Variants in CPNE4 observed in about 807,000 individuals in gnomAD.
The protein encoded by CPNE4 is copine-4.
CPNE4 carries 25 observed loss-of-function variants against 67.9 expected under a neutral mutation model. That is an observed-to-expected ratio of 0.37 (90% CI 0.27 to 0.51). CPNE4 has a LOEUF of 0.51. CPNE4 is among the 20% of genes least tolerant of loss of function. The pLI is 0.93. For synonymous variants in CPNE4, 242 were observed against 244.9 expected, an observed-to-expected ratio of 0.99 and a Z score of 0.11; for missense variants, 464 against 690.8, an observed-to-expected ratio of 0.67 and a Z score of 3.68.
At chr3:131,738,897 C>G (rs990334084) in intron 2 of CPNE4, among the ~76,000 whole-genome samples, 1 of 150,638 alleles carries the variant, frequency 6.6e-6, no homozygotes, top group Non-Finnish European at 1.5e-5. Flanking sequence ...TCTCGTCGCC[C>G]AGGCTAGAGT....
intron 2 of CPNE4, among the ~76,000 whole-genome samples, chr3:131,854,747 C>A (rs1483794082): frequency 6.6e-6 from 1 of 151,448 alleles, no homozygotes; most frequent in Non-Finnish European, 1.5e-5. Context: ...CATCTTTATT[C>A]TTTTCCTCCG....
intron 7 of CPNE4, among the ~76,000 whole-genome samples, chr3:131,642,526 A>T (rs2079565657): frequency 1.3e-5 from 2 of 152,216 alleles, no homozygotes; most frequent in Non-Finnish European, 2.9e-5. Context: ...AATTTTATGC[A>T]TTAATGGCTG....
At chr3:131,739,678 A>C (rs569322283) in intron 2 of CPNE4, among the ~76,000 whole-genome samples, 1 of 152,366 alleles carries the variant, frequency 6.6e-6, no homozygotes, top group Non-Finnish European at 1.5e-5. Context: ...AGTAAAGGAA[A>C]GAAGATGACA....
At chr3:131,655,018 T>C (rs761144536) in intron 7 of CPNE4, among the ~76,000 whole-genome samples, 46 of 152,112 alleles carry the variant, frequency 3.0e-4, no homozygotes, top group Non-Finnish European at 4.3e-4. Context: ...AGTAATTGAA[T>C]TGGAGTGCAG....
intron 2 of CPNE4, among the ~76,000 whole-genome samples, chr3:131,790,556 T>A (rs1011608597): frequency 3.3e-5 from 5 of 152,148 alleles, no homozygotes; most frequent in African/African-American, 1.2e-4. Flanking sequence ...GAAAGCCAGA[T>A]GCACCCTCAG....
rs371723431 is a variant in CPNE4 at position 131,735,116 on chromosome 3, T to C, written c.181-11491A>G. ...ACACATACATACATTCAGGCTTTCATTGTGGTTTTGTTAGTAAGGCCTTTC... is the reference window on the plus strand; with the variant it reads ...ACACATACATACATTCAGGCTTTCACTGTGGTTTTGTTAGTAAGGCCTTTC... On this transcript the variant is annotated intron_variant, in intron 2 of 15. Transcript: ENST00000429747. 4.6e-5 allele frequency among the ~76,000 whole-genome samples: 7 copies of C among 152,252 alleles called. No homozygotes were observed. The East Asian group carries it at 1.4e-3, about 29-fold the overall frequency.
chr3:131,851,695 C>T (rs1025679699), intron 2 of CPNE4, among the ~76,000 whole-genome samples: 1 of 152,078 alleles, frequency 6.6e-6, no homozygotes, highest in African/African-American at 2.4e-5. Flanking sequence ...AAGAGGAAGG[C>T]AGAGCAATCC....
chr3:131,552,082 A>T (rs1057113478), intron 13 of CPNE4, among the ~76,000 whole-genome samples: 2 of 136,182 alleles, frequency 1.5e-5, no homozygotes, highest in Non-Finnish European at 3.2e-5. Flanking sequence ...AAAAAAAAAA[A>T]CACTTGATGA....
chr3:131,605,095 T>C (rs542862904), intron 7 of CPNE4, among the ~76,000 whole-genome samples: 1 of 152,254 alleles, frequency 6.6e-6, no homozygotes, highest in South Asian at 2.1e-4. Flanking sequence ...TAGGTAACTT[T>C]ATTGAGATTA....
At chr3:131,848,109 A>G (rs145778426) in intron 2 of CPNE4, among the ~76,000 whole-genome samples, 1 of 152,286 alleles carries the variant, frequency 6.6e-6, no homozygotes, top group Non-Finnish European at 1.5e-5. Flanking sequence ...TTATTGCCAG[A>G]TAAGTTTGAG....
At chr3:131,829,147 T>C (rs1254277365) in intron 2 of CPNE4, among the ~76,000 whole-genome samples, 1 of 152,100 alleles carries the variant, frequency 6.6e-6, no homozygotes, top group African/African-American at 2.4e-5. Context: ...TCATTCACTA[T>C]CACAAGAATG....
At chr3:131,650,553 C>A (rs974854631) in intron 7 of CPNE4, among the ~76,000 whole-genome samples, 1 of 142,204 alleles carries the variant, frequency 7.0e-6, no homozygotes, top group Non-Finnish European at 1.5e-5. Flanking sequence ...GTCGGGAGAT[C>A]GAGACCACGG....
chr3:131,680,267 T>C (rs201999484), intron 6 of CPNE4, among the ~76,000 whole-genome samples: 4,783 of 135,134 alleles, frequency 0.035, 114 homozygotes, highest in East Asian at 0.11. Flanking sequence ...TTTTTTTTTT[T>C]CCTTTTGCTT....
chr3:131,818,260 G>C (rs2084825137), intron 2 of CPNE4, among the ~76,000 whole-genome samples: 1 of 152,176 alleles, frequency 6.6e-6, no homozygotes, highest in Non-Finnish European at 1.5e-5. Context: ...ATTAGGAGCA[G>C]CAGGAGTTGC....
intron 7 of CPNE4, among the ~76,000 whole-genome samples, chr3:131,592,151 T>A (rs1235207760): frequency 6.6e-6 from 1 of 152,232 alleles, no homozygotes; most frequent in Non-Finnish European, 1.5e-5. Context: ...CTCCTTGATT[T>A]CATCACTACC....
intron 1 of CPNE4, among the ~76,000 whole-genome samples, chr3:131,921,290 G>A (rs531386675): frequency 2.6e-5 from 4 of 152,280 alleles, no homozygotes; most frequent in African/African-American, 9.6e-5. Context: ...TTTCACTGGA[G>A]GTGAACAGTC....
At chr3:131,942,514 G>GAGAGAGAGAGAGAGA (rs1244798502) in intron 1 of CPNE4, among the ~76,000 whole-genome samples, 2 of 108,014 alleles carry the variant, frequency 1.9e-5, no homozygotes, top group African/African-American at 6.8e-5. Flanking sequence ...GAGAGAGAGA[G>GAGAGAGAGAGAGAGA]ATCATTTTAT....
At chr3:131,728,749 CA>C (rs1339890324) in intron 2 of CPNE4, among the ~76,000 whole-genome samples, 82 of 144,158 alleles carry the variant, frequency 5.7e-4, no homozygotes, top group African/African-American at 9.4e-4. Context: ...TCTCTACTTA[CA>C]AAAAAAAAAA....
At chr3:131,978,096 TATAAATATATATA>T (rs1181015518) in intron 1 of CPNE4, among the ~76,000 whole-genome samples, 116 of 74,686 alleles carry the variant, frequency 1.6e-3, no homozygotes, top group African/African-American at 0.011. Context: ...TAAATATATA[TATAAATATATATA>T]AAATATATAT....
Sources: allele counts gnomAD v4.1 joint callset (sites outside exome capture counted in the v4.1 genomes callset), GRCh38; gene constraint gnomAD v4.1.1; transcripts MANE v1.5; gene names NCBI Gene and HGNC (gene_info 2026-07-23, HGNC 2026-07-21).